Variants in PSD3 observed in about 807,000 individuals in gnomAD.
PSD3 encodes the protein PH and SEC7 domain-containing protein 3.
Under a neutral mutation model 105.5 loss-of-function variants are expected in PSD3, and 49 were observed. The observed-to-expected ratio is 0.46, with a 90% CI of 0.37 to 0.59. The LOEUF is 0.59. PSD3 is among the 20% of genes least tolerant of loss of function. PSD3 has a pLI of 0.00. For synonymous variants in PSD3, 557 were observed against 457.8 expected (o/e 1.22, Z -2.77); for missense variants, 1,561 against 1,263.8 (o/e 1.24, Z -3.57).
chr8:19,047,350 G>C (rs1027535690), intron 1 of PSD3, among the ~76,000 whole-genome samples: 3 of 152,174 alleles, frequency 2.0e-5, no homozygotes, highest in African/African-American at 7.2e-5. Flanking sequence ...AAAGGATTCA[G>C]AATCCTTGCC....
At chr8:18,546,377 G>A (rs1349759584) in intron 15 of PSD3, among the ~76,000 whole-genome samples, 1 of 152,100 alleles carries the variant, frequency 6.6e-6, no homozygotes, top group African/African-American at 2.4e-5. Context: ...CATCTTACCA[G>A]TCCATGTCCA....
At position 18,871,927 on chromosome 8, in the gene PSD3, T is replaced by C. The variant is rs373303549; in HGVS notation, c.937A>G (p.Lys313Glu). ...TCTATAGGATGCTGGGTCTCTCTCT[T>C]GTCTCCTCCTGTCCACAGTATTTCC... ...GVEILWTGGDKRETQHPIDFE... is the reference protein window; with the variant it reads ...GVEILWTGGDERETQHPIDFE... The change falls in exon 3 of 16, where the codon AAG becomes GAG. Residue 313 changes from lysine (K) to glutamate (E), a missense_variant. Transcript: ENST00000327040. 127 of 1,614,086 alleles carry C rather than the reference T, an allele frequency of 7.9e-5. No individual in the cohort carries two copies. Among genetic ancestry groups the C allele is most frequent in the Non-Finnish European group, 1.0e-4 (119 of 1,180,026 alleles).
rs1563225336 is a variant in PSD3, at chr8:18,752,552, ATAAT to A, written c.2172+12893_2172+12896del. Among the ~76,000 whole-genome samples, 32 of 9,568 alleles carry A rather than the reference ATAAT, an allele frequency of 3.3e-3. 2 individuals are homozygous for A. The highest frequency in any genetic ancestry group is 7.9e-3 in the African/African-American group (29 of 3,670). 6.3% of individuals were successfully genotyped at this position (9,568 alleles called of 152,430 possible). Reference sequence around the variant, plus strand: ...TAATTATATATTATATATATTATATATAATTATATATATTATATATATAATTATA... The same window carrying A: ...TAATTATATATTATATATATTATATATATATATATTATATATATAATTATA... On this transcript the variant is annotated intron_variant, in intron 9 of 15. Coordinates refer to ENST00000327040, the MANE Select transcript of PSD3 (RefSeq NM_015310.4).
intron 1 of PSD3, among the ~76,000 whole-genome samples, chr8:18,943,024 T>A (rs12156201): frequency 0.64 from 96,818 of 151,524 alleles, 31,113 homozygotes; most frequent in Non-Finnish European, 0.68. Context: ...GAGGTGAATC[T>A]TTCACTCTAG....
At chr8:18,616,185 T>C (rs1192333916) in intron 11 of PSD3, among the ~76,000 whole-genome samples, 4 of 152,266 alleles carry the variant, frequency 2.6e-5, no homozygotes, top group Non-Finnish European at 5.9e-5. Flanking sequence ...CCTGAGGTGA[T>C]GCTGCTCCAC....
chr8:18,912,007 CT>C (rs1271240143), intron 2 of PSD3, among the ~76,000 whole-genome samples: 6 of 152,182 alleles, frequency 3.9e-5, no homozygotes, highest in African/African-American at 1.4e-4. Context: ...ATTATTATGA[CT>C]CCAACAAGAA....
chr8:18,925,047 C>T (rs1194743546), intron 2 of PSD3, among the ~76,000 whole-genome samples: 4 of 152,108 alleles, frequency 2.6e-5, no homozygotes, highest in Non-Finnish European at 5.9e-5. Context: ...ATAACGAATA[C>T]AATAGAAGAC....
At chr8:19,069,611 G>T (rs1462876579) in intron 1 of PSD3, among the ~76,000 whole-genome samples, 1 of 152,170 alleles carries the variant, frequency 6.6e-6, no homozygotes, top group African/African-American at 2.4e-5. Context: ...TAATACCTAC[G>T]ATTTAGTGAG....
intron 9 of PSD3, among the ~76,000 whole-genome samples, chr8:18,691,436 C>G (rs60687430): frequency 0.12 from 18,316 of 152,202 alleles, 2,998 homozygotes; most frequent in African/African-American, 0.37. Flanking sequence ...ATATGGAAAA[C>G]AAACACAAAA....
At chr8:18,862,085 T>C (rs1029335621) in intron 4 of PSD3, among the ~76,000 whole-genome samples, 1 of 152,206 alleles carries the variant, frequency 6.6e-6, no homozygotes, top group East Asian at 1.9e-4. Context: ...ACTACTGTCA[T>C]TGGTATTCAT....
At chr8:18,950,560 C>G (rs1823172518) in intron 1 of PSD3, among the ~76,000 whole-genome samples, 1 of 152,136 alleles carries the variant, frequency 6.6e-6, no homozygotes, top group Admixed American at 6.5e-5. Flanking sequence ...CTCTGGTAAC[C>G]ACTATTCCGC....
At chr8:18,682,158 G>A (rs1800425991) in intron 9 of PSD3, among the ~76,000 whole-genome samples, 1 of 152,080 alleles carries the variant, frequency 6.6e-6, no homozygotes, top group Admixed American at 6.6e-5. Context: ...CCATAATTCT[G>A]GGTGAACCCA....
At chr8:19,072,999 T>G (rs1829323148) in intron 1 of PSD3, among the ~76,000 whole-genome samples, 1 of 152,186 alleles carries the variant, frequency 6.6e-6, no homozygotes, top group Admixed American at 6.5e-5. Flanking sequence ...GCTGGTCCAG[T>G]AGTACGAGGA....
rs183444754 is a variant in PSD3, at chr8:18,886,478, G to A, written c.131-13745C>T. On this transcript the variant is annotated intron_variant, in intron 2 of 15. Coordinates refer to ENST00000327040, the MANE Select transcript of PSD3 (RefSeq NM_015310.4). ...AGCCCCAGGGGTCTCCTACTGGGAC[G>A]CTCGAAAGACAAGACTAGTAAGCAA... 1.2e-4 allele frequency among the ~76,000 whole-genome samples: 19 copies of A among 152,232 alleles called. 1 individual carries two copies. The highest frequency in any genetic ancestry group is 1.2e-3 in the Admixed American group (19 of 15,296).
intron 4 of PSD3, among the ~76,000 whole-genome samples, chr8:18,860,778 G>A (rs1014792699): frequency 1.3e-5 from 2 of 152,122 alleles, no homozygotes; most frequent in East Asian, 3.9e-4. Flanking sequence ...GTTAAATATT[G>A]TACTGATATA....
chr8:18,719,254 G>C (rs959423352), intron 9 of PSD3, among the ~76,000 whole-genome samples: 3 of 152,176 alleles, frequency 2.0e-5, no homozygotes, highest in Non-Finnish European at 2.9e-5. Flanking sequence ...ACAATACACA[G>C]AGTTCCTCTA....
intron 9 of PSD3, among the ~76,000 whole-genome samples, chr8:18,717,976 G>A (rs1033812768): frequency 1.3e-5 from 2 of 152,120 alleles, no homozygotes; most frequent in African/African-American, 2.4e-5. Context: ...CTTCCAAGAC[G>A]GCACCCAGCG....
intron 4 of PSD3, among the ~76,000 whole-genome samples, chr8:18,860,177 A>C (rs955103753): frequency 1.1e-4 from 16 of 152,056 alleles, no homozygotes; most frequent in African/African-American, 3.1e-4. Flanking sequence ...AGAGAGGGGG[A>C]ACAGCTGGTT....
chr8:18,651,174 G>C (rs1187166098), intron 10 of PSD3, among the ~76,000 whole-genome samples: 1 of 152,124 alleles, frequency 6.6e-6, no homozygotes, highest in Non-Finnish European at 1.5e-5. Context: ...AGCAGAACTG[G>C]GTCCCCAACA....
Sources: gnomAD v4.1 joint callset for allele counts (sites outside exome capture counted in the v4.1 genomes callset) on GRCh38, gnomAD v4.1.1 for gene constraint, MANE v1.5 for transcripts, NCBI Gene and HGNC (gene_info 2026-07-23, HGNC 2026-07-21) for gene names.